The following ZNF529 variants were observed in gnomAD, a reference collection of about 807,000 sequenced individuals.
ZNF529 encodes zinc finger protein 529.
ZNF529 carries 11 observed loss-of-function variants against 10.1 expected under a neutral mutation model. The ratio of observed to expected loss-of-function variants is 1.09; its 90% CI spans 0.69 to 1.81. ZNF529 has a LOEUF of 1.81. ZNF529 is among the 40% of genes most tolerant of loss of function. The probability of loss-of-function intolerance (pLI) is 0.00; values close to 1 mark genes in which losing one functional copy is unlikely to be tolerated. For missense variants in ZNF529, 624 were observed against 666.8 expected (o/e 0.94, Z 0.71); for synonymous variants, 204 against 215.7 (o/e 0.95, Z 0.47).
chr19:36,581,699 C>G (rs905170464), intron 2 of ZNF529: 1 of 153,326 alleles, frequency 6.5e-6, no homozygotes, highest in African/African-American at 2.4e-5. Flanking sequence ...CTCCCTCTCC[C>G]TTTTGTTCCC....
chr19:36,603,549 A>G (rs2036964131), intron 1 of ZNF529, among the ~76,000 whole-genome samples: 1 of 152,230 alleles, frequency 6.6e-6, no homozygotes, highest in Non-Finnish European at 1.5e-5. Flanking sequence ...AAAATGTGCA[A>G]CTACAATGCT....
intron 1 of ZNF529, among the ~76,000 whole-genome samples, chr19:36,599,931 C>T (rs556769858): frequency 2.0e-5 from 3 of 151,854 alleles, no homozygotes; most frequent in South Asian, 2.1e-4. Flanking sequence ...TGTAGTGGCA[C>T]GATCTTGGCT....
intron 1 of ZNF529, among the ~76,000 whole-genome samples, chr19:36,603,425 T>C (rs995281441): frequency 5.3e-5 from 8 of 152,162 alleles, no homozygotes; most frequent in South Asian, 4.1e-4. Context: ...ACCAGGTAAA[T>C]AGATAAGTCA....
At chr19:36,596,010 G>T (rs1156933405) in intron 1 of ZNF529, among the ~76,000 whole-genome samples, 1 of 136,734 alleles carries the variant, frequency 7.3e-6, no homozygotes. Context: ...GACTGAATTT[G>T]TCTATTCATC....
At chr19:36,585,205 C>G (rs2036554724) in intron 2 of ZNF529, among the ~76,000 whole-genome samples, 1 of 152,214 alleles carries the variant, frequency 6.6e-6, no homozygotes. Context: ...ATTAAAGACT[C>G]AGGCCTATCA....
intron 2 of ZNF529, among the ~76,000 whole-genome samples, chr19:36,562,918 A>G (rs1379200104): frequency 1.3e-5 from 2 of 151,960 alleles, no homozygotes; most frequent in Non-Finnish European, 2.9e-5. Flanking sequence ...GCCTTCATAA[A>G]AGAGGCTCAA....
chr19:36,603,106 A>C (rs914193812), intron 1 of ZNF529, among the ~76,000 whole-genome samples: 1 of 152,174 alleles, frequency 6.6e-6, no homozygotes, highest in African/African-American at 2.4e-5. Context: ...AAACAAAAAA[A>C]GTTACTATAA....
At chr19:36,552,123 A>AAAAC (rs1260812983) in intron 4 of ZNF529, 2 of 152,064 alleles carry the variant, frequency 1.3e-5, no homozygotes, top group Non-Finnish European at 2.9e-5. Flanking sequence ...TTCTTTTTTT[A>AAAAC]AAACAAACAA....
chr19:36,595,098 C>T (rs184647185), intron 1 of ZNF529, among the ~76,000 whole-genome samples: 180 of 152,096 alleles, frequency 1.2e-3, no homozygotes, highest in Non-Finnish European at 1.8e-3. Flanking sequence ...AGGATGGTCT[C>T]GAACTCCTGA....
At chr19:36,576,225 C>A (rs1254221627), upstream of ZNF529, among the ~76,000 whole-genome samples, 2 of 152,276 alleles carry the variant, frequency 1.3e-5, no homozygotes, top group East Asian at 3.9e-4. Flanking sequence ...AGGGTCCTTT[C>A]CTGCAAATTA....
In ZNF529 at chr19:36,591,417, CAG is replaced by C. The variant is rs763779033; in HGVS notation, c.-127-1718_-127-1717del. Among the ~76,000 whole-genome samples, 176 of 150,840 alleles carry C rather than the reference CAG, an allele frequency of 1.2e-3. No homozygotes were observed. The Middle Eastern group carries it at 0.017, about 15-fold the overall frequency. Reference sequence around the variant, plus strand: ...ACTTACTGAAACACACAAGATGAAACAGATACATTAAGGAAATTGAGGCCAGA... The same window carrying C: ...ACTTACTGAAACACACAAGATGAAACATACATTAAGGAAATTGAGGCCAGA... On this transcript the variant is annotated intron_variant, in intron 1 of 4. Transcript: ENST00000585960.
In ZNF529 at chr19:36,556,128, G is replaced by T. The variant is rs922753442; in HGVS notation, c.84C>A (p.Phe28Leu). 3.2e-6 allele frequency: 5 copies of T among 1,550,036 alleles called. No individual in the cohort carries two copies. In the African/African-American group the frequency reaches 4.1e-5, roughly 13 times the overall value. The change falls in exon 3 of 5, where the codon TTC becomes TTA. Residue 28 changes from phenylalanine (F) to leucine (L), a missense_variant. Physicochemically the swap from Phe to Leu is conservative, Grantham distance 22 (BLOSUM62 0). Transcript: ENST00000591340. The stretch of plus-strand genomic sequence containing the variant: ...CATGGTCCATGGTTAGAACTGTAAA[G>T]AATTGGTCAGGGAATTCCACTTCTG... Reference protein sequence around the residue: ...VMPEVEFPDQFFTVLTMDHEL... With the variant: ...VMPEVEFPDQLFTVLTMDHEL...
Position 36,572,354 on chromosome 19 carries a change from A to T in ZNF529, c.-8T>A. 1.3e-6 allele frequency: 2 copies of T among 1,551,064 alleles called. No individual in the cohort carries two copies. Among genetic ancestry groups the T allele is most frequent in the Non-Finnish European group, 1.7e-6 (2 of 1,146,848 alleles). The stretch of plus-strand genomic sequence containing the variant: ...TAACCTTGAGTTGGCCATTAGTACC[A>T]ATGCTGTCTTCCACTTCAGGGGGCC... On this transcript the variant is annotated 5_prime_UTR_variant, in exon 2 of 5. Transcript: ENST00000591340.
At chr19:36,578,291 C>CTTATT (rs2036381471), upstream of ZNF529, among the ~76,000 whole-genome samples, 12 of 31,818 alleles carry the variant, frequency 3.8e-4, no homozygotes, top group South Asian at 3.6e-3. Flanking sequence ...GTCTTGATCT[C>CTTATT]TTTTTTTTTT....
At position 36,547,926 on chromosome 19, in the gene ZNF529, T is replaced by C. The variant is rs985561517; in HGVS notation, c.632A>G (p.Asp211Gly). 6 of 1,612,618 alleles carry C rather than the reference T, an allele frequency of 3.7e-6. No individual in the cohort carries two copies. In the African/African-American group the frequency reaches 4.0e-5, roughly 11 times the overall value. The change falls in exon 5 of 5, where the codon GAT becomes GGT. Residue 211 changes from aspartate to glycine, a missense_variant. Physicochemically the swap from Asp to Gly is moderately conservative, Grantham distance 94 (BLOSUM62 -1). Coordinates refer to ENST00000591340, the MANE Select transcript of ZNF529 (RefSeq NM_020951.5). Reference sequence around the variant, plus strand: ...ATTCAGTTGTAACATACTGGAGTTATCTATCCCAAAGGTTTTCCAACATTG... The same window carrying C: ...ATTCAGTTGTAACATACTGGAGTTACCTATCCCAAAGGTTTTCCAACATTG... ...CNQCWKTFGI[D>G]NSSMLQLNIH... is the part of the protein sequence containing the mutation.
chr19:36,567,432 T>C (rs550187748), intron 2 of ZNF529, among the ~76,000 whole-genome samples: 1 of 152,122 alleles, frequency 6.6e-6, no homozygotes, highest in Non-Finnish European at 1.5e-5. Flanking sequence ...TGAACTTATA[T>C]TTGGCAATGG....
At chr19:36,603,553 C>A (rs1482074965) in intron 1 of ZNF529, among the ~76,000 whole-genome samples, 1 of 152,166 alleles carries the variant, frequency 6.6e-6, no homozygotes, top group Non-Finnish European at 1.5e-5. Context: ...TGTGCAACTA[C>A]AATGCTTTTC....
chr19:36,589,374 G>A (rs1250391044), intron 2 of ZNF529, among the ~76,000 whole-genome samples: 1 of 152,170 alleles, frequency 6.6e-6, no homozygotes, highest in Admixed American at 6.6e-5. Context: ...TGGAGGATAC[G>A]CAGTTAGTGT....
intron 1 of ZNF529, among the ~76,000 whole-genome samples, chr19:36,604,604 T>TC (rs5827962): frequency 1 from 152,228 of 152,230 alleles, 76,113 homozygotes; most frequent in Middle Eastern, 1. Context: ...CTCAGAGTCT[T>TC]CACAGACACA....
Sources: gnomAD v4.1 joint callset for allele counts (sites outside exome capture counted in the v4.1 genomes callset) on GRCh38, gnomAD v4.1.1 for gene constraint, MANE v1.5 for transcripts, NCBI Gene and HGNC (gene_info 2026-07-23, HGNC 2026-07-21) for gene names.